The following HS6ST2 variants were observed in gnomAD, a reference collection of about 807,000 sequenced individuals.
The protein encoded by HS6ST2 is heparan-sulfate 6-O-sulfotransferase 2.
HS6ST2 carries 17 observed loss-of-function variants against 33.0 expected under a neutral mutation model. That is an observed-to-expected ratio of 0.52 (90% CI 0.35 to 0.77). The LOEUF (loss-of-function observed/expected upper bound fraction) is 0.77. Among genes scored for constraint, HS6ST2 ranks in the 30% least tolerant of loss-of-function variants. HS6ST2 has a pLI of 0.01. For synonymous variants in HS6ST2, 248 were observed against 237.1 expected, an observed-to-expected ratio of 1.05 and a Z score of -0.42; for missense variants, 519 against 551.7, an observed-to-expected ratio of 0.94 and a Z score of 0.59.
At chrX:132,922,232 C>T (rs1305243211) in intron 2 of HS6ST2, among the ~76,000 whole-genome samples, 2 of 111,678 alleles carry the variant, frequency 1.8e-5, no homozygotes, top group African/African-American at 6.5e-5. Context: ...GAAACCCCGT[C>T]TCTACTAAAA....
At chrX:132,683,622 C>T (rs938780390) in intron 3 of HS6ST2, among the ~76,000 whole-genome samples, 13 of 111,863 alleles carry the variant, frequency 1.2e-4, no homozygotes, top group African/African-American at 3.6e-4. Flanking sequence ...TAGAGAAATG[C>T]ATGCCGCTAT....
intron 2 of HS6ST2, among the ~76,000 whole-genome samples, chrX:132,816,575 A>G (rs374875941): frequency 2.7e-5 from 3 of 112,422 alleles, no homozygotes; most frequent in South Asian, 3.7e-4. Context: ...TACTGGGAAT[A>G]TAGTCTGAAG....
intron 4 of HS6ST2, among the ~76,000 whole-genome samples, chrX:132,665,065 G>C (rs924646925): frequency 1.3e-4 from 15 of 112,056 alleles, no homozygotes; most frequent in African/African-American, 4.9e-4. Flanking sequence ...AATAGAACCA[G>C]AGATACCATT....
At chrX:132,811,727 A>ATATAT (rs2065348370) in intron 2 of HS6ST2, among the ~76,000 whole-genome samples, 1 of 22,477 alleles carries the variant, frequency 4.4e-5, no homozygotes, top group African/African-American at 1.6e-4. Flanking sequence ...TATATATATC[A>ATATAT]CATTTTGTTT....
At chrX:132,657,454 C>T (rs553140766) in intron 4 of HS6ST2, among the ~76,000 whole-genome samples, 1 of 110,449 alleles carries the variant, frequency 9.1e-6, no homozygotes, top group South Asian at 4.0e-4. Flanking sequence ...AAGGGGCAAC[C>T]TCTGCAAACC....
intron 2 of HS6ST2, among the ~76,000 whole-genome samples, chrX:132,793,479 G>C (rs1441629456): frequency 9.0e-6 from 1 of 111,512 alleles, no homozygotes; most frequent in African/African-American, 3.3e-5. Context: ...TGAGGAGAGA[G>C]TGTTTTCTTC....
intron 2 of HS6ST2, among the ~76,000 whole-genome samples, chrX:132,947,379 GA>G (rs745453298): frequency 2.8e-5 from 3 of 109,037 alleles, no homozygotes; most frequent in South Asian, 3.9e-4. Context: ...ATCAATTTCT[GA>G]AAAAAAATCA....
At chrX:132,766,936 C>A (rs956759093) in intron 2 of HS6ST2, among the ~76,000 whole-genome samples, 6 of 111,750 alleles carry the variant, frequency 5.4e-5, no homozygotes, top group African/African-American at 1.9e-4. Flanking sequence ...AGGGGCTCTG[C>A]GAGGTTGAGT....
intron 4 of HS6ST2, among the ~76,000 whole-genome samples, chrX:132,637,826 T>TATTATATATAAAATATTATATATA (rs2063562664): frequency 7.4e-5 from 4 of 53,889 alleles, no homozygotes; most frequent in Non-Finnish European, 1.2e-4. Flanking sequence ...ATATATATAA[T>TATTATATATAAAATATTATATATA]ATTATATATA....
At chrX:132,699,237 AC>A (rs1235304423) in intron 3 of HS6ST2, among the ~76,000 whole-genome samples, 1 of 111,601 alleles carries the variant, frequency 9.0e-6, no homozygotes, top group African/African-American at 3.3e-5. Context: ...CCCAACCCCT[AC>A]CCCAGTTATC....
chrX:132,818,314 C>G (rs2065416612), intron 2 of HS6ST2, among the ~76,000 whole-genome samples: 1 of 111,101 alleles, frequency 9.0e-6, no homozygotes, highest in Non-Finnish European at 1.9e-5. Flanking sequence ...TGAGTGACTT[C>G]AGGCAAGTCA....
intron 2 of HS6ST2, among the ~76,000 whole-genome samples, chrX:132,746,064 G>A (rs1302747078): frequency 1.8e-5 from 2 of 111,836 alleles, no homozygotes; most frequent in African/African-American, 6.5e-5. Flanking sequence ...ATGAGTCTAA[G>A]TAAAAGATAC....
intron 2 of HS6ST2, among the ~76,000 whole-genome samples, chrX:132,865,202 C>A (rs1354510152): frequency 9.7e-6 from 1 of 102,607 alleles, no homozygotes; most frequent in African/African-American, 3.6e-5. Flanking sequence ...TGTTCAATTC[C>A]CACCTATGAG....
At chrX:132,810,654 C>T (rs7884763) in intron 2 of HS6ST2, among the ~76,000 whole-genome samples, 1 of 109,696 alleles carries the variant, frequency 9.1e-6, no homozygotes, top group East Asian at 2.9e-4. Context: ...GCCAATAGGA[C>T]GTTAGCAAAT....
intron 2 of HS6ST2, among the ~76,000 whole-genome samples, chrX:132,883,913 A>G (rs1474621017): frequency 1.8e-5 from 2 of 111,980 alleles, no homozygotes; most frequent in South Asian, 3.7e-4. Context: ...GTCTTCCTAG[A>G]CTGGTTCATT....
At chrX:132,826,247 T>A (rs1328198073) in intron 2 of HS6ST2, among the ~76,000 whole-genome samples, 1 of 112,129 alleles carries the variant, frequency 8.9e-6, no homozygotes, top group African/African-American at 3.2e-5. Flanking sequence ...TGTTTTGGTT[T>A]TGGTTTTGCC....
intron 2 of HS6ST2, among the ~76,000 whole-genome samples, chrX:132,820,256 C>T (rs1229856507): frequency 9.0e-6 from 1 of 110,840 alleles, no homozygotes; most frequent in Non-Finnish European, 1.9e-5. Flanking sequence ...AATGCAAAGG[C>T]CCCCTGCTTC....
In HS6ST2 at chrX:132,811,449, A is replaced by C. The variant is rs769696338; in HGVS notation, c.948-102955T>G. ...CACCACCATCTCCAGAACTTTTTTC[A>C]TCTTTCCAAATTGAAAGTCCATACT... On this transcript the variant is annotated intron_variant, in intron 2 of 4. Transcript: ENST00000370833. 2.8e-5 allele frequency among the ~76,000 whole-genome samples: 3 copies of C among 108,045 alleles called. No homozygotes were observed. In the East Asian group the frequency reaches 8.8e-4, roughly 32 times the overall value. The allele number at this position is 108,045 out of a possible 115,157, so 93.8% of individuals were successfully genotyped here.
At chrX:132,949,118 T>C (rs2066984468) in intron 2 of HS6ST2, among the ~76,000 whole-genome samples, 1 of 111,083 alleles carries the variant, frequency 9.0e-6, no homozygotes, top group Admixed American at 9.7e-5. Context: ...ACTCTCCTTT[T>C]CTGCTGGACG....
Sources: gnomAD v4.1 joint callset for allele counts (sites outside exome capture counted in the v4.1 genomes callset) on GRCh38, gnomAD v4.1.1 for gene constraint, MANE v1.5 for transcripts, NCBI Gene and HGNC (gene_info 2026-07-23, HGNC 2026-07-21) for gene names.